Variants in CTNNA2 observed in about 807,000 individuals in gnomAD.
CTNNA2 encodes the protein catenin alpha 2.
CTNNA2 carries 42 observed loss-of-function variants against 101.0 expected under a neutral mutation model. The observed-to-expected ratio is 0.42, with a 90% CI of 0.32 to 0.54. The LOEUF (loss-of-function observed/expected upper bound fraction) is 0.54, where lower values mean the gene tolerates loss of function less well. Among genes scored for constraint, CTNNA2 ranks in the 20% least tolerant of loss-of-function variants. The pLI is 0.14. For synonymous variants in CTNNA2, 450 were observed against 456.4 expected (o/e 0.99, Z 0.18); for missense variants, 871 against 1,223.1 (o/e 0.71, Z 4.29).
intron 7 of CTNNA2, among the ~76,000 whole-genome samples, chr2:80,210,536 C>T (rs1707820329): frequency 6.6e-6 from 1 of 152,148 alleles, no homozygotes; most frequent in African/African-American, 2.4e-5. Context: ...CTACAAAGGA[C>T]ATGAACTCAT....
At chr2:80,396,768 G>A (rs1486255291) in intron 8 of CTNNA2, among the ~76,000 whole-genome samples, 1 of 152,126 alleles carries the variant, frequency 6.6e-6, no homozygotes, top group Non-Finnish European at 1.5e-5. Flanking sequence ...CTATGACATT[G>A]CAATGTTGCT....
chr2:80,170,193 CTCTCTCTCTCTCTCTA>C (rs1704956278), intron 7 of CTNNA2, among the ~76,000 whole-genome samples: 1 of 150,274 alleles, frequency 6.7e-6, no homozygotes, highest in Non-Finnish European at 1.5e-5. Flanking sequence ...CTGCTTGTCT[CTCTCTCTCTCTCTCTA>C]TCTCTCTCTC....
intron 4 of CTNNA2, among the ~76,000 whole-genome samples, chr2:79,477,810 T>C (rs903907612): frequency 1.9e-4 from 29 of 152,350 alleles, no homozygotes; most frequent in African/African-American, 6.7e-4. Context: ...TGGGAATTTA[T>C]GTAACCAGTA....
chr2:79,654,502 T>C (rs1558806997), intron 2 of CTNNA2, among the ~76,000 whole-genome samples: 1 of 152,154 alleles, frequency 6.6e-6, no homozygotes, highest in Non-Finnish European at 1.5e-5. Flanking sequence ...CGATTTCAGC[T>C]TAAACTGTTA....
intron 2 of CTNNA2, among the ~76,000 whole-genome samples, chr2:79,722,749 A>T (rs1257060315): frequency 6.6e-6 from 1 of 152,220 alleles, no homozygotes; most frequent in Admixed American, 6.5e-5. Flanking sequence ...TCACCTGAGT[A>T]GAGTCATTGC....
chr2:80,074,500 C>G (rs549287437), intron 7 of CTNNA2, among the ~76,000 whole-genome samples: 1 of 152,236 alleles, frequency 6.6e-6, no homozygotes, highest in Non-Finnish European at 1.5e-5. Context: ...GTGACTCCCA[C>G]TTTCTTCATT....
chr2:79,951,463 C>T (rs868417554), intron 7 of CTNNA2, among the ~76,000 whole-genome samples: 2 of 151,990 alleles, frequency 1.3e-5, no homozygotes, highest in African/African-American at 2.4e-5. Context: ...GGTCAGGATT[C>T]GAGACCAGCC....
At chr2:79,750,966 G>T (rs1671991695) in intron 3 of CTNNA2, among the ~76,000 whole-genome samples, 1 of 152,010 alleles carries the variant, frequency 6.6e-6, no homozygotes, top group South Asian at 2.1e-4. Flanking sequence ...TATGCTAAAT[G>T]ATGTGTTACC....
At chr2:80,414,339 C>G (rs1228506567) in intron 8 of CTNNA2, among the ~76,000 whole-genome samples, 2 of 152,174 alleles carry the variant, frequency 1.3e-5, no homozygotes, top group African/African-American at 4.8e-5. Flanking sequence ...GATCTTGTTC[C>G]TTATAAACAA....
intron 9 of CTNNA2, among the ~76,000 whole-genome samples, chr2:80,425,111 G>T (rs1303918072): frequency 1.3e-5 from 2 of 152,152 alleles, no homozygotes; most frequent in Non-Finnish European, 2.9e-5. Flanking sequence ...CAGGCGGAAG[G>T]TTAGGCTCCC....
rs940613037 is a variant in CTNNA2, at chr2:80,647,895, G to T, written c.*23G>T. ...TAGGACGATAGGTTTTAACAAGAAA[G>T]CTTTTTCTTTCTTTTCTTTCTTTCT... On this transcript the variant is annotated 3_prime_UTR_variant, in exon 19 of 19. Transcript: ENST00000402739. 2.7e-5 allele frequency: 41 copies of T among 1,533,798 alleles called. No homozygotes were observed. The highest frequency in any genetic ancestry group is 3.2e-5 in the Non-Finnish European group (37 of 1,142,064).
At chr2:80,160,097 G>C (rs773320004) in intron 7 of CTNNA2, among the ~76,000 whole-genome samples, 3 of 152,058 alleles carry the variant, frequency 2.0e-5, no homozygotes, top group Non-Finnish European at 4.4e-5. Flanking sequence ...TTCCCCATTT[G>C]GTTGATTTTG....
intron 9 of CTNNA2, among the ~76,000 whole-genome samples, chr2:80,452,765 A>G (rs1393138536): frequency 6.6e-6 from 1 of 151,604 alleles, no homozygotes; most frequent in Non-Finnish European, 1.5e-5. Flanking sequence ...AGAAGATTCA[A>G]TTTGAGATAG....
At chr2:80,501,050 G>T (rs1486401977) in intron 9 of CTNNA2, among the ~76,000 whole-genome samples, 1 of 152,140 alleles carries the variant, frequency 6.6e-6, no homozygotes, top group African/African-American at 2.4e-5. Context: ...AGCCAGACAG[G>T]AATTCTTGTT....
intron 2 of CTNNA2, among the ~76,000 whole-genome samples, chr2:79,669,661 T>C (rs13390169): frequency 0.57 from 86,616 of 151,922 alleles, 25,101 homozygotes; most frequent in East Asian, 0.79. Flanking sequence ...GTCTCTGAAG[T>C]TCTCAGCAGA....
chr2:79,527,366 C>T (rs1382021130), intron 1 of CTNNA2, among the ~76,000 whole-genome samples: 2 of 151,296 alleles, frequency 1.3e-5, no homozygotes, highest in Non-Finnish European at 2.9e-5. Context: ...GGCGCGGTGC[C>T]TCACACCTGT....
chr2:79,639,971 GA>G (rs1680340856), intron 1 of CTNNA2, among the ~76,000 whole-genome samples: 5 of 151,832 alleles, frequency 3.3e-5, no homozygotes, highest in African/African-American at 1.2e-4. Flanking sequence ...TGAAGAGAGA[GA>G]GAGAGAAACT....
chr2:79,385,665 T>G (rs1678090590), intron 4 of CTNNA2, among the ~76,000 whole-genome samples: 1 of 152,000 alleles, frequency 6.6e-6, no homozygotes, highest in African/African-American at 2.4e-5. Context: ...GTATTTGTCC[T>G]AATGCTCTCC....
At chr2:79,691,467 C>G (rs902978672) in intron 2 of CTNNA2, among the ~76,000 whole-genome samples, 9 of 151,230 alleles carry the variant, frequency 6.0e-5, no homozygotes, top group Admixed American at 1.3e-4. Context: ...GCAAAATACT[C>G]CAATTAAAAG....
Sources: allele counts gnomAD v4.1 joint callset (sites outside exome capture counted in the v4.1 genomes callset), GRCh38; gene constraint gnomAD v4.1.1; transcripts MANE v1.5; gene names NCBI Gene and HGNC (gene_info 2026-07-23, HGNC 2026-07-21).